KLF12: variants seen among roughly 807,000 people sequenced by gnomAD.
KLF12 encodes the protein KLF transcription factor 12.
KLF12 carries 9 observed loss-of-function variants against 37.8 expected under a neutral mutation model. That is an observed-to-expected ratio of 0.24 (90% CI 0.14 to 0.42). The LOEUF is 0.42. Ranked by LOEUF, KLF12 falls within the 10% of genes least tolerant of loss-of-function variation. The pLI, the probability that KLF12 is intolerant of heterozygous loss-of-function variation, is 1.00. For missense variants in KLF12, 411 were observed against 516.0 expected (o/e 0.80, Z 1.97); for synonymous variants, 208 against 202.1 (o/e 1.03, Z -0.25).
intron 6 of KLF12, among the ~76,000 whole-genome samples, chr13:73,736,003 C>G (rs1566329305): frequency 6.6e-6 from 1 of 150,814 alleles, no homozygotes; most frequent in Non-Finnish European, 1.5e-5. Flanking sequence ...TTAATAATAA[C>G]CAGTTGTACT....
intron 4 of KLF12, among the ~76,000 whole-genome samples, chr13:73,840,499 C>A (rs561837903): frequency 2.0e-5 from 3 of 152,210 alleles, no homozygotes; most frequent in East Asian, 3.9e-4. Context: ...AAAGGGAATT[C>A]CTCTCTCAAC....
intron 7 of KLF12, among the ~76,000 whole-genome samples, chr13:73,699,114 C>T (rs964034373): frequency 6.6e-6 from 1 of 151,992 alleles, no homozygotes; most frequent in African/African-American, 2.4e-5. Context: ...ATCCCAGCTA[C>T]TTGGGAAGCT....
At chr13:74,023,335 A>C (rs1322947460) in intron 1 of KLF12, among the ~76,000 whole-genome samples, 1 of 152,240 alleles carries the variant, frequency 6.6e-6, no homozygotes, top group African/African-American at 2.4e-5. Context: ...AGAAACTCAG[A>C]GACCGTGTTC....
chr13:74,082,145 T>C (rs952685502), intron 1 of KLF12, among the ~76,000 whole-genome samples: 2 of 121,350 alleles, frequency 1.6e-5, no homozygotes, highest in African/African-American at 7.2e-5. Context: ...CTGGGCAACA[T>C]AGCAAGACCC....
chr13:74,269,027 C>T, the KLF12 span, among the ~76,000 whole-genome samples: 1 of 152,104 alleles, frequency 6.6e-6, no homozygotes, highest in Non-Finnish European at 1.5e-5. Flanking sequence ...CTGGGGAAGA[C>T]CTTTGCATTG....
rs1467185758 is a variant in KLF12, at chr13:73,998,378, A to G, written c.-31-3325T>C. Among the ~76,000 whole-genome samples the G allele has an allele frequency of 2.0e-5, 3 of 152,228 alleles. No individual in the cohort carries two copies. In the East Asian group the frequency reaches 5.8e-4, roughly 29 times the overall value. On this transcript the variant is annotated intron_variant, in intron 1 of 7. Transcript: ENST00000377669. Reference sequence around the variant, plus strand: ...AGAATCCCTTTATGTATCTTTAAATAGAGACAGAGAAACACACTAGACATC... The same window carrying G: ...AGAATCCCTTTATGTATCTTTAAATGGAGACAGAGAAACACACTAGACATC...
intron 1 of KLF12, among the ~76,000 whole-genome samples, chr13:74,078,240 A>G (rs1874679974): frequency 6.6e-6 from 1 of 152,202 alleles, no homozygotes; most frequent in African/African-American, 2.4e-5. Context: ...TTCCATGCAT[A>G]GAAGTATAAC....
chr13:73,809,911 T>C lies in KLF12; in HGVS notation c.806+3241A>G, dbSNP rs74098417. Among the ~76,000 whole-genome samples, 197 of 152,222 alleles carry C rather than the reference T, an allele frequency of 1.3e-3. 2 individuals carry two copies. The highest frequency in any genetic ancestry group is 4.3e-3 in the African/African-American group (179 of 41,530). On this transcript the variant is annotated intron_variant, in intron 5 of 7. Coordinates refer to ENST00000377669, the MANE Select transcript of KLF12 (RefSeq NM_007249.5). ...ACACATGCAACTTTTGTAATAATAATAAAGACAGGCATTTGCACTATTACA... is the reference window on the plus strand; with the variant it reads ...ACACATGCAACTTTTGTAATAATAACAAAGACAGGCATTTGCACTATTACA...
At chr13:74,221,926 A>C in the KLF12 span, among the ~76,000 whole-genome samples, 1 of 152,320 alleles carries the variant, frequency 6.6e-6, no homozygotes, top group Non-Finnish European at 1.5e-5. Flanking sequence ...GCAGCCCTCT[A>C]GTTCATAGGT....
chr13:73,765,874 T>C (rs1879879057), intron 5 of KLF12, among the ~76,000 whole-genome samples: 1 of 152,170 alleles, frequency 6.6e-6, no homozygotes, highest in Admixed American at 6.6e-5. Context: ...ACATTGCTCT[T>C]ATTTACAAGA....
At chr13:74,034,396 A>G (rs1005276718) in intron 1 of KLF12, among the ~76,000 whole-genome samples, 2 of 152,148 alleles carry the variant, frequency 1.3e-5, no homozygotes, top group Non-Finnish European at 2.9e-5. Context: ...GTGAAATCCC[A>G]GTTCAAATAT....
At chr13:73,765,421 C>T (rs4362269) in intron 5 of KLF12, among the ~76,000 whole-genome samples, 116,507 of 152,010 alleles carry the variant, frequency 0.77, 44,804 homozygotes, top group South Asian at 0.9. Flanking sequence ...CTCTCCTTCA[C>T]TCTACCACAT....
chr13:73,716,127 A>G (rs1875785337), intron 6 of KLF12, among the ~76,000 whole-genome samples: 3 of 152,232 alleles, frequency 2.0e-5, no homozygotes, highest in Admixed American at 2.0e-4. Context: ...GTGGTGAGGA[A>G]TAACGTGCAT....
intron 1 of KLF12, among the ~76,000 whole-genome samples, chr13:74,119,416 T>G (rs1877495725): frequency 6.6e-6 from 1 of 150,446 alleles, no homozygotes; most frequent in South Asian, 2.1e-4. Flanking sequence ...AAGCAGACCC[T>G]GAGATAGCAG....
At chr13:73,924,720 A>C (rs778664740) in intron 3 of KLF12, among the ~76,000 whole-genome samples, 4 of 152,226 alleles carry the variant, frequency 2.6e-5, no homozygotes, top group Non-Finnish European at 4.4e-5. Context: ...TTGGTGAGAA[A>C]GGCATGTTGA....
intron 2 of KLF12, among the ~76,000 whole-genome samples, chr13:73,957,100 G>GGAAAGAAAGGAAAA (rs1890869920): frequency 1.8e-5 from 2 of 111,156 alleles, no homozygotes; most frequent in Admixed American, 8.9e-5. Flanking sequence ...GGAAAGGAAA[G>GGAAAGAAAGGAAAA]GAAAGAAAGG....
chr13:73,954,225 A>G (rs1014063482), intron 2 of KLF12, among the ~76,000 whole-genome samples: 2 of 151,824 alleles, frequency 1.3e-5, no homozygotes, highest in Non-Finnish European at 2.9e-5. Flanking sequence ...TGATCCGCCC[A>G]CCTGGGCCTC....
chr13:73,986,550 T>G (rs1891833595), intron 2 of KLF12, among the ~76,000 whole-genome samples: 1 of 152,188 alleles, frequency 6.6e-6, no homozygotes, highest in Non-Finnish European at 1.5e-5. Flanking sequence ...CCCCTAAAGA[T>G]GTCCATGTCC....
chr13:74,105,682 T>A (rs531279195), intron 1 of KLF12, among the ~76,000 whole-genome samples: 2 of 152,308 alleles, frequency 1.3e-5, no homozygotes, highest in East Asian at 3.9e-4. Flanking sequence ...GCTTCCAACC[T>A]GGATGTGTTA....
Sources: allele counts gnomAD v4.1 joint callset (sites outside exome capture counted in the v4.1 genomes callset), GRCh38; gene constraint gnomAD v4.1.1; transcripts MANE v1.5; gene names NCBI Gene and HGNC (gene_info 2026-07-23, HGNC 2026-07-21).